Variants in KLK2 observed in about 807,000 individuals in gnomAD.
KLK2 encodes kallikrein related peptidase 2.
KLK2 carries 17 observed loss-of-function variants against 23.0 expected under a neutral mutation model. The ratio of observed to expected loss-of-function variants is 0.74; its 90% CI spans 0.51 to 1.11. The LOEUF (loss-of-function observed/expected upper bound fraction) is 1.11, where lower values mean the gene tolerates loss of function less well. KLK2 is among the 50% of genes least tolerant of loss of function. KLK2 has a pLI of 0.00. For missense variants in KLK2, 330 were observed against 325.9 expected, an observed-to-expected ratio of 1.01 and a Z score of -0.10; for synonymous variants, 140 against 124.7, an observed-to-expected ratio of 1.12 and a Z score of -0.82.
rs200706541 is a variant in KLK2, at chr19:50,876,762, C to T, written c.493+4C>T. ...GGCAGCATCGAACCAGAGGAGTGTA[C>T]GCCTGGGCCAGATGGTGTAGCTGGG... On this transcript the variant is annotated splice_donor_region_variant and intron_variant, in intron 3 of 4. Coordinates refer to ENST00000325321, the MANE Select transcript of KLK2 (RefSeq NM_005551.5). 38 of 1,613,320 alleles carry T rather than the reference C, an allele frequency of 2.4e-5. No individual in the cohort carries two copies. The highest frequency in any genetic ancestry group is 3.3e-4 in the Middle Eastern group (2 of 6,078).
intron 4 of KLK2, 174 bp downstream of exon 4, chr19:50,877,182 C>A: frequency 2.7e-6 from 2 of 742,626 alleles, no homozygotes; most frequent in Non-Finnish European, 4.5e-6. Flanking sequence ...ACTCCCTCAA[C>A]ACAAGAGGTG....
rs1403800005 is a variant in KLK2, at chr19:50,874,809, T to C, written c.135T>C (p.His45=). 1.2e-6 allele frequency: 2 copies of C among 1,613,690 alleles called. No individual in the cohort carries two copies. The highest frequency in any genetic ancestry group is 1.3e-5 in the African/African-American group (1 of 74,912). The change falls in exon 2 of 5, where the codon CAT becomes CAC. Residue 45 remains histidine, a synonymous_variant. Transcript: ENST00000325321. ...CCTGGCAGGTGGCTGTGTACAGTCATGGATGGGCACACTGTGGGGGTGTCC... is the reference window on the plus strand; with the variant it reads ...CCTGGCAGGTGGCTGTGTACAGTCACGGATGGGCACACTGTGGGGGTGTCC... ...SQPWQVAVYS[H]GWAHCGGVLV...
At chr19:50,875,939 G>C (rs775265185) in intron 2 of KLK2, 2 of 165,918 alleles carry the variant, frequency 1.2e-5, no homozygotes, top group African/African-American at 2.4e-5. Flanking sequence ...CCCAGCTGCA[G>C]GTGAGCCACC....
In KLK2 at chr19:50,876,472, G is replaced by A. The variant is rs1160905932; in HGVS notation, c.207G>A (p.Lys69=). Residue 69 remains lysine (K), a splice_region_variant and synonymous_variant, in exon 3 of 5, where the codon AAG becomes AAA. Transcript: ENST00000325321. ...ATGCATCCACCCCCTTCCTCCCCAGGAATAGCCAGGTCTGGCTGGGTCGGC... is the reference window on the plus strand; with the variant it reads ...ATGCATCCACCCCCTTCCTCCCCAGAAATAGCCAGGTCTGGCTGGGTCGGC... ...WVLTAAHCLK[K]NSQVWLGRHN... is the part of the protein sequence containing the mutation. 48 of 1,613,614 alleles carry A rather than the reference G, an allele frequency of 3.0e-5. 1 individual carries two copies. In the Admixed American group the frequency reaches 7.8e-4, roughly 26 times the overall value.
In KLK2 at chr19:50,879,704, T is replaced by C; in HGVS notation, c.*1145T>C. 1 of 230,066 alleles carries C rather than the reference T, an allele frequency of 4.3e-6. No homozygotes were observed. Among genetic ancestry groups the C allele is most frequent in the East Asian group, 6.2e-5 (1 of 16,144 alleles). The allele number at this position is 230,066 out of a possible 1,614,324, so 14.3% of individuals were successfully genotyped here. On this transcript the variant is annotated 3_prime_UTR_variant, in exon 5 of 5. Transcript: ENST00000325321. ...TAGAGTTCAAACAGATACAGCATGG[T>C]CCAGAGTCCCAGATGTACAAAAACA...
chr19:50,879,358 C>T lies in KLK2; in HGVS notation c.*799C>T. Reference sequence around the variant, plus strand: ...TACGAAGACTGGCAACTTGGCTTTACTAAGTTTTCAGACTGGCAGGAAGTC... The same window carrying T: ...TACGAAGACTGGCAACTTGGCTTTATTAAGTTTTCAGACTGGCAGGAAGTC... On this transcript the variant is annotated 3_prime_UTR_variant, in exon 5 of 5. Coordinates refer to ENST00000325321, the MANE Select transcript of KLK2 (RefSeq NM_005551.5). 4.3e-6 allele frequency: 1 copy of T among 232,566 alleles called. No individual in the cohort carries two copies. Among genetic ancestry groups the T allele is most frequent in the Non-Finnish European group, 8.5e-6 (1 of 117,630 alleles). 14.4% of individuals were successfully genotyped at this position (232,566 alleles called of 1,614,324 possible).
intron 1 of KLK2, chr19:50,873,813 T>C (rs2090254947): frequency 4.5e-6 from 2 of 447,950 alleles, no homozygotes; most frequent in African/African-American, 2.0e-5. Context: ...TCAAAACCTT[T>C]CAAGGACCTC....
chr19:50,875,039 A>C, intron 2 of KLK2, 159 bp downstream of exon 2: 2 of 1,345,342 alleles, frequency 1.5e-6, no homozygotes, highest in East Asian at 5.6e-5. Flanking sequence ...CTGGGGCTGG[A>C]CCACTCTCCC....
At chr19:50,874,614 C>G in intron 1 of KLK2, 107 bp from the exon 2 acceptor site, 3 of 887,860 alleles carry the variant, frequency 3.4e-6, no homozygotes, top group Non-Finnish European at 3.5e-6. Flanking sequence ...TCCTGGACTC[C>G]CAGTCCTGGT....
chr19:50,874,647 A>G (rs2090263565), intron 1 of KLK2, 74 bp from the exon 2 acceptor site: 1 of 1,397,284 alleles, frequency 7.2e-7, no homozygotes, highest in Non-Finnish European at 9.8e-7. Context: ...TGTCTCTTCA[A>G]ACCCACAGCT....
In KLK2 at chr19:50,874,636, A is replaced by G. The variant is rs2090263526; in HGVS notation, c.47-85A>G. On this transcript the variant is annotated intron_variant, in intron 1 of 4. Coordinates refer to ENST00000325321, the MANE Select transcript of KLK2 (RefSeq NM_005551.5). ...CTCCCAGTCCTGGTCCTCTGCCCCCATGTCTCTTCAAACCCACAGCTCAGC... is the reference window on the plus strand; with the variant it reads ...CTCCCAGTCCTGGTCCTCTGCCCCCGTGTCTCTTCAAACCCACAGCTCAGC... 4 of 1,172,142 alleles carry G rather than the reference A, an allele frequency of 3.4e-6. No individual in the cohort carries two copies. The Admixed American group carries it at 6.6e-5, about 19-fold the overall frequency. 72.6% of individuals were successfully genotyped at this position (1,172,142 alleles called of 1,614,324 possible). A position where few individuals can be genotyped will look rare whatever the true frequency, so the allele number is the denominator to read the frequency against.
rs771653557 is a variant in KLK2 at position 50,878,630 on chromosome 19, T to C, written c.*71T>C. The C allele has an allele frequency of 6.2e-6, 9 of 1,462,928 alleles. No homozygotes were observed. The highest frequency in any genetic ancestry group is 4.6e-5 in the East Asian group (2 of 43,852). 90.6% of individuals were successfully genotyped at this position (1,462,928 alleles called of 1,614,324 possible). A position where few individuals can be genotyped will look rare whatever the true frequency, so the allele number is the denominator to read the frequency against. ...ACGTTCTGGCATCACTTGGCCTTTCTGGATGCTGGACACCTGAAGCTTGGA... is the reference window on the plus strand; with the variant it reads ...ACGTTCTGGCATCACTTGGCCTTTCCGGATGCTGGACACCTGAAGCTTGGA... On this transcript the variant is annotated 3_prime_UTR_variant, in exon 5 of 5. Transcript: ENST00000325321.
rs1390403915 is a variant in KLK2, at chr19:50,880,113, G to A, written c.*1554G>A. On this transcript the variant is annotated 3_prime_UTR_variant, in exon 5 of 5. Coordinates refer to ENST00000325321, the MANE Select transcript of KLK2 (RefSeq NM_005551.5). ...TGCCTTCTTTTCACACCATTGGTGA[G>A]GGAGGGATTACCACCCTGGGGTTAT... 8.7e-6 allele frequency: 2 copies of A among 229,064 alleles called. No individual in the cohort carries two copies. Among genetic ancestry groups the A allele is most frequent in the Admixed American group, 5.7e-5 (1 of 17,632 alleles). The allele number at this position is 229,064 out of a possible 1,614,324, so 14.2% of individuals were successfully genotyped here. A position where few individuals can be genotyped will look rare whatever the true frequency, so the allele number is the denominator to read the frequency against.
intron 2 of KLK2, 162 bp downstream of exon 2, chr19:50,875,042 A>C: frequency 3.0e-6 from 4 of 1,321,800 alleles, no homozygotes; most frequent in East Asian, 2.9e-5. Context: ...GGGCTGGACC[A>C]CTCTCCCCAT....
chr19:50,875,363 T>A (rs1293766871), intron 2 of KLK2, among the ~76,000 whole-genome samples: 1 of 152,206 alleles, frequency 6.6e-6, no homozygotes, highest in South Asian at 2.1e-4. Flanking sequence ...GCTCAATGTG[T>A]GTGCATGTGA....
chr19:50,875,238 C>T (rs2090271208), intron 2 of KLK2, among the ~76,000 whole-genome samples: 1 of 152,318 alleles, frequency 6.6e-6, no homozygotes. Flanking sequence ...GTGTCTCACC[C>T]TGCATCTCTT....
Position 50,878,524 on chromosome 19 carries a change from A to G in KLK2, c.751A>G (p.Lys251Glu). ...GTACACCAAGGTGGTGCATTACCGG[A>G]AGTGGATCAAGGACACCATCGCAGC... ...AVYTKVVHYR[K>E]WIKDTIAANP Residue 251 changes from lysine (K) to glutamate (E), a missense_variant, in exon 5 of 5, where the codon AAG becomes GAG. Physicochemically the swap from Lys to Glu is moderately conservative, Grantham distance 56. Coordinates refer to ENST00000325321, the MANE Select transcript of KLK2 (RefSeq NM_005551.5). 6.2e-7 allele frequency: 1 copy of G among 1,613,972 alleles called. No homozygotes were observed. Among genetic ancestry groups the G allele is most frequent in the Non-Finnish European group, 8.5e-7 (1 of 1,179,918 alleles).
chr19:50,874,734 C>T lies in KLK2; in HGVS notation c.60C>T (p.Leu20=). 2 of 1,611,500 alleles carry T rather than the reference C, an allele frequency of 1.2e-6. No homozygotes were observed. The highest frequency in any genetic ancestry group is 1.1e-5 in the South Asian group (1 of 90,700). ...CCCCCTCCGCAGGTGCCGTGCCCCT[C>T]ATCCAGTCTCGGATTGTGGGAGGCT... ...LSVGCTGAVP[L]IQSRIVGGWE... is the part of the protein sequence containing the mutation. Residue 20 remains leucine, a synonymous_variant, in exon 2 of 5, where the codon CTC becomes CTT. Transcript: ENST00000325321.
chr19:50,874,811 G>A lies in KLK2; in HGVS notation c.137G>A (p.Gly46Glu), dbSNP rs1376485287. 6.2e-7 allele frequency: 1 copy of A among 1,613,696 alleles called. No homozygotes were observed. The highest frequency in any genetic ancestry group is 1.7e-5 in the Admixed American group (1 of 59,986). The change falls in exon 2 of 5, where the codon GGA becomes GAA. Residue 46 changes from glycine (G) to glutamate (E), a missense_variant. By Grantham distance (98) the Gly-to-Glu change is moderately conservative. Coordinates refer to ENST00000325321, the MANE Select transcript of KLK2 (RefSeq NM_005551.5). The part of the protein sequence containing the change: ...QPWQVAVYSH[G>E]WAHCGGVLVH... The stretch of plus-strand genomic sequence containing the variant: ...TGGCAGGTGGCTGTGTACAGTCATG[G>A]ATGGGCACACTGTGGGGGTGTCCTG...
Sources: allele counts gnomAD v4.1 joint callset (sites outside exome capture counted in the v4.1 genomes callset), GRCh38; gene constraint gnomAD v4.1.1; transcripts MANE v1.5; gene names NCBI Gene and HGNC (gene_info 2026-07-23, HGNC 2026-07-21).